The following SFMBT2 variants were observed in gnomAD, a reference collection of about 807,000 sequenced individuals.
The protein encoded by SFMBT2 is Scm like with four mbt domains 2, also known as scm-like with four MBT domains protein 2.
Under a neutral mutation model 110.1 loss-of-function variants are expected in SFMBT2, and 38 were observed. The observed-to-expected ratio is 0.35, with a 90% confidence interval of 0.27 to 0.45. SFMBT2 has a LOEUF of 0.45. SFMBT2 is among the 20% of genes least tolerant of loss of function. SFMBT2 has a pLI of 1.00. For missense variants in SFMBT2, 1,011 were observed against 1,094.9 expected, an observed-to-expected ratio of 0.92 and a Z score of 1.08; for synonymous variants, 425 against 425.4, an observed-to-expected ratio of 1.00 and a Z score of 0.01.
chr10:7,275,990 G>A (rs901997296), intron 7 of SFMBT2, among the ~76,000 whole-genome samples: 2 of 152,270 alleles, frequency 1.3e-5, no homozygotes, highest in Non-Finnish European at 1.5e-5. Flanking sequence ...GTCCAAGGAC[G>A]CCAATGGTGT....
chr10:7,252,265 T>G (rs1336627993), intron 7 of SFMBT2, among the ~76,000 whole-genome samples: 1 of 152,180 alleles, frequency 6.6e-6, no homozygotes, highest in Non-Finnish European at 1.5e-5. Context: ...CTCTGAGGAC[T>G]TCCTGTGTTC....
chr10:7,366,425 T>TAAAAAAAAAAAAAAAAAAA (rs1588484864), intron 4 of SFMBT2, among the ~76,000 whole-genome samples: 1 of 114,110 alleles, frequency 8.8e-6, no homozygotes, highest in Non-Finnish European at 1.8e-5. Flanking sequence ...AAACAATATA[T>TAAAAAAAAAAAAAAAAAAA]CATAACAAAA....
At chr10:7,190,390 T>C (rs1429603669) in intron 15 of SFMBT2, among the ~76,000 whole-genome samples, 20 of 152,226 alleles carry the variant, frequency 1.3e-4, no homozygotes, top group Admixed American at 9.2e-4. Context: ...GAGCTGCATG[T>C]TATTTGCTGC....
chr10:7,257,549 T>TGGC (rs1016920580), intron 7 of SFMBT2, among the ~76,000 whole-genome samples: 20 of 152,202 alleles, frequency 1.3e-4, no homozygotes, highest in Non-Finnish European at 2.9e-5. Flanking sequence ...AGTATACACG[T>TGGC]GGCTGTGAGT....
chr10:7,172,697 TAC>T lies in SFMBT2; in HGVS notation c.1985-38_1985-37del, dbSNP rs528572913. 5.5e-5 allele frequency: 87 copies of T among 1,589,708 alleles called. No individual in the cohort carries two copies. The East Asian group carries it at 1.1e-3, about 21-fold the overall frequency. On this transcript the variant is annotated intron_variant, in intron 17 of 20. Transcript: ENST00000397167. The surrounding 1 kb of genome is among the most constrained non-coding windows in gnomAD (Gnocchi z 4.6). ...GAAGATGAGAAACTTTTGAAGGCTA[TAC>T]ACACACACAGACATGAACAGAGAGA... is the stretch of plus-strand genomic sequence containing the variant.
At chr10:7,334,556 G>A (rs748819342) in intron 4 of SFMBT2, among the ~76,000 whole-genome samples, 11 of 152,186 alleles carry the variant, frequency 7.2e-5, no homozygotes, top group Non-Finnish European at 1.5e-4. Context: ...GTTCCTAAAG[G>A]TTCCTGATCA....
At position 7,301,553 on chromosome 10, in the gene SFMBT2, G is replaced by T. The variant is rs562363852; in HGVS notation, c.437-15599C>A. Reference sequence around the variant, plus strand: ...TGGCACACTTTCCACTGAGACAGTGGGGGCAGGTCCCCGGGGCCGGCAAAT... The same window carrying T: ...TGGCACACTTTCCACTGAGACAGTGTGGGCAGGTCCCCGGGGCCGGCAAAT... On this transcript the variant is annotated intron_variant, in intron 4 of 20. Transcript: ENST00000397167. The surrounding 1 kb of genome is among the most constrained non-coding windows in gnomAD (Gnocchi z 4.2). Among the ~76,000 whole-genome samples, 14 of 152,322 alleles carry T rather than the reference G, an allele frequency of 9.2e-5. No homozygotes were observed. Among genetic ancestry groups the T allele is most frequent in the African/African-American group, 3.4e-4 (14 of 41,588 alleles).
chr10:7,267,144 A>G (rs1394435063), intron 7 of SFMBT2, among the ~76,000 whole-genome samples: 1 of 152,114 alleles, frequency 6.6e-6, no homozygotes, highest in Non-Finnish European at 1.5e-5. Flanking sequence ...CTGAGTGTCT[A>G]AGGAACTGCC....
chr10:7,355,224 T>TA (rs1463629746), intron 4 of SFMBT2, among the ~76,000 whole-genome samples: 1 of 152,234 alleles, frequency 6.6e-6, no homozygotes, highest in Non-Finnish European at 1.5e-5. Flanking sequence ...AATGTCCTCC[T>TA]ACTCTTTCTA....
chr10:7,343,933 G>T (rs980930999), intron 4 of SFMBT2, among the ~76,000 whole-genome samples: 15 of 152,190 alleles, frequency 9.9e-5, no homozygotes, highest in Admixed American at 9.8e-4. Flanking sequence ...TGAGAGTTTA[G>T]ATGAGATGAG....
intron 3 of SFMBT2, 140 bp downstream of exon 3, chr10:7,370,141 A>G: frequency 1.5e-6 from 1 of 663,250 alleles, no homozygotes. Context: ...TGCTGGGATT[A>G]CAGGTGTGAG....
chr10:7,334,597 A>T (rs1325149058), intron 4 of SFMBT2, among the ~76,000 whole-genome samples: 1 of 152,212 alleles, frequency 6.6e-6, no homozygotes, highest in Non-Finnish European at 1.5e-5. Flanking sequence ...GCTGCTCATT[A>T]AAAGCGGGAC....
At chr10:7,202,134 G>A (rs1368939271) in intron 13 of SFMBT2, among the ~76,000 whole-genome samples, 4 of 152,160 alleles carry the variant, frequency 2.6e-5, no homozygotes, top group East Asian at 1.9e-4. Flanking sequence ...GAGGGGCTGC[G>A]ACTCGAAACT....
intron 7 of SFMBT2, among the ~76,000 whole-genome samples, chr10:7,266,121 G>A (rs1209545449): frequency 6.6e-6 from 1 of 151,258 alleles, no homozygotes; most frequent in Non-Finnish European, 1.5e-5. Context: ...ACAGAGTCTT[G>A]CTCTGTCACC....
intron 9 of SFMBT2, among the ~76,000 whole-genome samples, chr10:7,233,852 C>T (rs1840179884): frequency 6.6e-6 from 1 of 152,234 alleles, no homozygotes; most frequent in South Asian, 2.1e-4. Context: ...TCCCATGGCC[C>T]TGGCAGGGAG....
At chr10:7,370,673 AAT>A (rs1177344221) in intron 2 of SFMBT2, 6 of 189,404 alleles carry the variant, frequency 3.2e-5, no homozygotes, top group Non-Finnish European at 4.9e-5. Context: ...ATGTTCGTGT[AAT>A]AGTTTGAAAT....
In SFMBT2 at chr10:7,293,479, C is replaced by T. The variant is rs1015379971; in HGVS notation, c.437-7525G>A. Among the ~76,000 whole-genome samples the T allele has an allele frequency of 1.4e-4, 21 of 152,176 alleles. No homozygotes were observed. Among genetic ancestry groups the T allele is most frequent in the African/African-American group, 4.8e-4 (20 of 41,502 alleles). ...AAGAGAAGTAGAACACAGAAATGTC[C>T]CTGAGGCTTTCTGGCCCAAGCACTT... On this transcript the variant is annotated intron_variant, in intron 4 of 20. Coordinates refer to ENST00000397167, the MANE Select transcript of SFMBT2 (RefSeq NM_001387889.1). This position sits in a 1 kb window ranked among gnomAD's most constrained non-coding sequence, Gnocchi z 4.6.
chr10:7,251,134 T>A (rs1279136019), intron 7 of SFMBT2, among the ~76,000 whole-genome samples: 2 of 151,484 alleles, frequency 1.3e-5, no homozygotes, highest in African/African-American at 4.9e-5. Flanking sequence ...CCAAAGTATG[T>A]ACATCTATTA....
At chr10:7,363,757 ACCC>A (rs1844803222) in intron 4 of SFMBT2, among the ~76,000 whole-genome samples, 1 of 152,140 alleles carries the variant, frequency 6.6e-6, no homozygotes, top group Admixed American at 6.5e-5. Context: ...AAGGGGACTC[ACCC>A]ATGGAGCTAA....
Sources: gnomAD v4.1 joint callset for allele counts (sites outside exome capture counted in the v4.1 genomes callset) on GRCh38, gnomAD v4.1.1 for gene constraint, Gnocchi (gnomAD v3.1) non-coding constraint, MANE v1.5 for transcripts, NCBI Gene and HGNC (gene_info 2026-07-23, HGNC 2026-07-21) for gene names.